TENM4: variants seen among roughly 807,000 people sequenced by gnomAD.
TENM4 encodes teneurin transmembrane protein 4.
A neutral mutation model predicts 243.3 loss-of-function variants in TENM4; 82 were observed. The observed-to-expected ratio is 0.34, with a 90% confidence interval of 0.28 to 0.40. The LOEUF (loss-of-function observed/expected upper bound fraction) is 0.40, where lower values mean the gene tolerates loss of function less well. TENM4 is among the 10% of genes least tolerant of loss of function. TENM4 has a pLI of 1.00. For synonymous variants in TENM4, 1,412 were observed against 1,456.3 expected, an observed-to-expected ratio of 0.97 and a Z score of 0.69; for missense variants, 3,138 against 3,673.3, an observed-to-expected ratio of 0.85 and a Z score of 3.77.
At chr11:79,350,489 G>A (rs964338537) in intron 1 of TENM4, among the ~76,000 whole-genome samples, 19 of 150,854 alleles carry the variant, frequency 1.3e-4, no homozygotes, top group African/African-American at 4.4e-4. Context: ...CAGTGCAGTG[G>A]CACAATCACA....
At chr11:79,286,713 C>A (rs751153571) in intron 2 of TENM4, among the ~76,000 whole-genome samples, 2 of 151,896 alleles carry the variant, frequency 1.3e-5, no homozygotes, top group Non-Finnish European at 2.9e-5. Context: ...ATAACACAAA[C>A]CTTTAGGACT....
intron 6 of TENM4, among the ~76,000 whole-genome samples, chr11:78,959,944 C>CAT (rs1462859658): frequency 6.6e-5 from 10 of 152,114 alleles, no homozygotes; most frequent in African/African-American, 2.2e-4. Context: ...TACACACACA[C>CAT]ACATATATAT....
intron 3 of TENM4, among the ~76,000 whole-genome samples, chr11:79,202,206 C>T (rs565287597): frequency 6.7e-4 from 102 of 152,290 alleles, no homozygotes; most frequent in Non-Finnish European, 1.3e-3. Flanking sequence ...AAACCACTGC[C>T]ACTCTGACTG....
intron 6 of TENM4, among the ~76,000 whole-genome samples, chr11:78,983,886 G>A (rs1857861581): frequency 6.6e-6 from 1 of 152,202 alleles, no homozygotes; most frequent in Admixed American, 6.5e-5. Context: ...GTGACCTTGA[G>A]CAAATCACTA....
intron 1 of TENM4, among the ~76,000 whole-genome samples, chr11:79,403,112 T>G (rs1190448238): frequency 6.6e-6 from 1 of 152,242 alleles, no homozygotes; most frequent in African/African-American, 2.4e-5. Context: ...GAGTTCCACA[T>G]GACATGCTGT....
chr11:79,194,343 A>G (rs1351871621), intron 3 of TENM4, among the ~76,000 whole-genome samples: 1 of 151,946 alleles, frequency 6.6e-6, no homozygotes, highest in Admixed American at 6.6e-5. Flanking sequence ...GAAAATGTGG[A>G]AGCAGCTTTG....
intron 3 of TENM4, among the ~76,000 whole-genome samples, chr11:79,194,013 G>A (rs1390269476): frequency 6.6e-6 from 1 of 152,080 alleles, no homozygotes; most frequent in Non-Finnish European, 1.5e-5. Context: ...TTGTGGGAGG[G>A]ACTCAGGGGG....
chr11:78,829,484 T>C (rs1175753465), intron 12 of TENM4, among the ~76,000 whole-genome samples: 1 of 152,168 alleles, frequency 6.6e-6, no homozygotes, highest in Non-Finnish European at 1.5e-5. Flanking sequence ...CTGCAGTAAA[T>C]GTCTCATTAA....
rs146676647 is a variant in TENM4 at position 78,864,059 on chromosome 11, G to A, written c.1085-927C>T. On this transcript the variant is annotated intron_variant, in intron 9 of 33. Transcript: ENST00000278550. ...AAAGATAAGTATAACATGCAGAAGT[G>A]TATTTGATATACTACCTTTGGGTTT... Among the ~76,000 whole-genome samples, 179 of 152,274 alleles carry A rather than the reference G, an allele frequency of 1.2e-3. 1 individual carries two copies. The highest frequency in any genetic ancestry group is 2.0e-3 in the Non-Finnish European group (139 of 68,016).
intron 1 of TENM4, among the ~76,000 whole-genome samples, chr11:79,318,811 A>C (rs149301900): frequency 6.6e-6 from 1 of 152,298 alleles, no homozygotes; most frequent in East Asian, 1.9e-4. Flanking sequence ...ATTCCTGAAA[A>C]ATTAACACTT....
At chr11:79,354,172 G>A (rs569546614) in intron 1 of TENM4, among the ~76,000 whole-genome samples, 94 of 152,290 alleles carry the variant, frequency 6.2e-4, no homozygotes, top group South Asian at 1.2e-3. Context: ...TTAACACTCT[G>A]CCTGGCACAT....
chr11:79,003,857 C>G (rs1030667143), intron 6 of TENM4, among the ~76,000 whole-genome samples: 1 of 151,982 alleles, frequency 6.6e-6, no homozygotes, highest in South Asian at 2.1e-4. Context: ...GATAAAGAAG[C>G]AAGACCCAAC....
chr11:79,344,270 G>A (rs909080475), intron 1 of TENM4, among the ~76,000 whole-genome samples: 1 of 152,180 alleles, frequency 6.6e-6, no homozygotes. Context: ...TGGCAGAGGG[G>A]GTGCTCAAAG....
chr11:78,940,147 A>C (rs1309799177), intron 6 of TENM4, among the ~76,000 whole-genome samples: 1 of 152,202 alleles, frequency 6.6e-6, no homozygotes, highest in African/African-American at 2.4e-5. Context: ...ATTTAAGCAT[A>C]TGTTTATCAA....
chr11:79,166,770 G>A (rs1862924319), intron 3 of TENM4, among the ~76,000 whole-genome samples: 1 of 152,164 alleles, frequency 6.6e-6, no homozygotes. Flanking sequence ...TCATAGAGAG[G>A]CAGAATCAGT....
chr11:78,850,895 A>G (rs889169803), intron 12 of TENM4, among the ~76,000 whole-genome samples: 1 of 152,192 alleles, frequency 6.6e-6, no homozygotes, highest in Non-Finnish European at 1.5e-5. Context: ...TCACAGAGCT[A>G]ACATGTGACA....
chr11:78,926,547 C>T lies in TENM4; in HGVS notation c.494-23024G>A, dbSNP rs868463394. On this transcript the variant is annotated intron_variant, in intron 6 of 33. Coordinates refer to ENST00000278550, the MANE Select transcript of TENM4 (RefSeq NM_001098816.3). ...TCGGCCTCCCAAAGTGATGGGATTA[C>T]AGGCATGAACCACTATGCCTGGCCA... Among the ~76,000 whole-genome samples, 6 of 152,202 alleles carry T rather than the reference C, an allele frequency of 3.9e-5. No individual in the cohort carries two copies. The Middle Eastern group carries it at 0.014, about 345-fold the overall frequency.
chr11:79,218,726 C>T (rs2135233561), intron 2 of TENM4, among the ~76,000 whole-genome samples: 1 of 152,302 alleles, frequency 6.6e-6, no homozygotes, highest in South Asian at 2.1e-4. Flanking sequence ...AATCCCATCC[C>T]TAAATTCCCT....
chr11:79,313,278 GC>G (rs1206159905), intron 1 of TENM4, among the ~76,000 whole-genome samples: 1 of 152,168 alleles, frequency 6.6e-6, no homozygotes, highest in Non-Finnish European at 1.5e-5. Context: ...TGCAAAGGGA[GC>G]AGGGCTGCAG....
Sources: allele counts gnomAD v4.1 joint callset (sites outside exome capture counted in the v4.1 genomes callset), GRCh38; gene constraint gnomAD v4.1.1; transcripts MANE v1.5; gene names NCBI Gene and HGNC (gene_info 2026-07-23, HGNC 2026-07-21).